Variants in PFKM observed in about 807,000 individuals in gnomAD.
PFKM encodes the protein phosphofructokinase, muscle, also known as ATP-dependent 6-phosphofructokinase, muscle type.
Under a neutral mutation model 95.5 loss-of-function variants are expected in PFKM, and 58 were observed. The ratio of observed to expected loss-of-function variants is 0.61; its 90% CI spans 0.49 to 0.76. PFKM has a LOEUF of 0.76. Ranked by LOEUF, PFKM falls within the 30% of genes least tolerant of loss-of-function variation. The pLI is 0.00. For synonymous variants in PFKM, 336 were observed against 357.2 expected (o/e 0.94, Z 0.67); for missense variants, 678 against 1,005.4 (o/e 0.67, Z 4.40).
chr12:48,145,812 CT>C lies in PFKM; in HGVS notation c.*108del. Reference sequence around the variant, plus strand: ...TTAGCTGTTTTTTTCATTAGGTTTCCTTTTATTCTGTACCTTGCAGCCATGA... The same window carrying C: ...TTAGCTGTTTTTTTCATTAGGTTTCCTTTATTCTGTACCTTGCAGCCATGA... On this transcript the variant is annotated 3_prime_UTR_variant, in exon 23 of 23. Coordinates refer to ENST00000359794, the MANE Select transcript of PFKM (RefSeq NM_000289.6). The surrounding 1 kb of genome is among the most constrained non-coding windows in gnomAD (Gnocchi z 4.3). The C allele has an allele frequency of 7.6e-7, 1 of 1,322,964 alleles. No individual in the cohort carries two copies. The highest frequency in any genetic ancestry group is 1.1e-6 in the Non-Finnish European group (1 of 923,654). The allele number at this position is 1,322,964 out of a possible 1,614,324, so 82.0% of individuals were successfully genotyped here. A position where few individuals can be genotyped will look rare whatever the true frequency, so the allele number is the denominator to read the frequency against.
chr12:48,105,819 ACGGCCACCGGCGGCCACAGCG>A, upstream of PFKM: 1 of 595,626 alleles, frequency 1.7e-6, no homozygotes, highest in East Asian at 2.8e-5. Context: ...AGGTAGCCTA[ACGGCCACCGGCGGCCACAGCG>A]CGGCCACCGG....
At chr12:48,129,736 C>T (rs544395624) in intron 2 of PFKM, among the ~76,000 whole-genome samples, 16 of 152,270 alleles carry the variant, frequency 1.1e-4, no homozygotes, top group Admixed American at 2.6e-4. Flanking sequence ...GTTACTGAAC[C>T]ATATAGAGTC....
chr12:48,107,249 A>T, intron 1 of PFKM: 1 of 684,622 alleles, frequency 1.5e-6, no homozygotes, highest in Non-Finnish European at 2.6e-6. Context: ...ATACTTTTAT[A>T]TTATATTGTC....
chr12:48,133,284 C>A, intron 5 of PFKM, 31 bp from the exon 6 acceptor site: 1 of 1,597,976 alleles, frequency 6.3e-7, no homozygotes, highest in Non-Finnish European at 8.6e-7. Context: ...GTGCCTCACC[C>A]AGTGGCTCCT....
upstream of PFKM, chr12:48,118,557 A>G (rs575482717): frequency 8.6e-6 from 13 of 1,514,198 alleles, no homozygotes; most frequent in East Asian, 2.9e-4. Flanking sequence ...CCGACTGTGG[A>G]GACAATGAAG....
chr12:48,126,896 C>G (rs1240223952), intron 2 of PFKM, among the ~76,000 whole-genome samples: 2 of 152,156 alleles, frequency 1.3e-5, no homozygotes, highest in Non-Finnish European at 2.9e-5. Flanking sequence ...GACTTTTGAC[C>G]TTGTTCCTTT....
chr12:48,128,107 A>G (rs570876401), intron 2 of PFKM, among the ~76,000 whole-genome samples: 1 of 152,334 alleles, frequency 6.6e-6, no homozygotes, highest in East Asian at 1.9e-4. Context: ...CTCTGCCAAG[A>G]ATACTCTCCC....
intron 13 of PFKM, 132 bp from the exon 14 acceptor site, chr12:48,140,590 T>G: frequency 3.3e-6 from 3 of 899,042 alleles, no homozygotes; most frequent in Non-Finnish European, 5.5e-6. Context: ...GGGGTGTGTG[T>G]TGTGTTGTCT....
upstream of PFKM, among the ~76,000 whole-genome samples, chr12:48,116,851 A>G (rs1354209426): frequency 1.3e-5 from 2 of 152,210 alleles, no homozygotes; most frequent in African/African-American, 4.8e-5. Context: ...ATATTTATAC[A>G]TTATTATTAG....
chr12:48,143,262 T>G (rs1240606930), intron 18 of PFKM, among the ~76,000 whole-genome samples: 1 of 152,142 alleles, frequency 6.6e-6, no homozygotes, highest in Non-Finnish European at 1.5e-5. Context: ...TTTAGAGAGG[T>G]TAAAAAACTT....
Position 48,145,354 on chromosome 12 carries a change from G to A in PFKM, c.2198+39G>A. On this transcript the variant is annotated intron_variant, in intron 22 of 22. Coordinates refer to ENST00000359794, the MANE Select transcript of PFKM (RefSeq NM_000289.6). The surrounding 1 kb of genome is among the most constrained non-coding windows in gnomAD (Gnocchi z 4.3). ...CTTCCTGGAGTGGTTCTTTTCCCTGGTAGTTTCAAGCTCTACTGTCCTCAA... is the reference window on the plus strand; with the variant it reads ...CTTCCTGGAGTGGTTCTTTTCCCTGATAGTTTCAAGCTCTACTGTCCTCAA... 3 of 1,530,246 alleles carry A rather than the reference G, an allele frequency of 2.0e-6. No homozygotes were observed. The South Asian group carries it at 3.4e-5, about 17-fold the overall frequency. The allele number at this position is 1,530,246 out of a possible 1,614,324, so 94.8% of individuals were successfully genotyped here.
chr12:48,113,580 T>C (rs1423796530), intron 3 of PFKM, among the ~76,000 whole-genome samples: 1 of 152,156 alleles, frequency 6.6e-6, no homozygotes, highest in East Asian at 1.9e-4. Flanking sequence ...AGTGGCCAGA[T>C]TTCCGACACT....
At chr12:48,128,789 G>C (rs1025643360) in intron 2 of PFKM, among the ~76,000 whole-genome samples, 1 of 152,020 alleles carries the variant, frequency 6.6e-6, no homozygotes, top group Non-Finnish European at 1.5e-5. Flanking sequence ...CTCCAGGCAG[G>C]GTTAAGGACA....
chr12:48,124,072 ACAT>A (rs1222855356), intron 2 of PFKM, among the ~76,000 whole-genome samples: 6 of 152,254 alleles, frequency 3.9e-5, no homozygotes, highest in Non-Finnish European at 7.3e-5. Flanking sequence ...CACCAGTGAT[ACAT>A]CAGTGAAAAA....
upstream of PFKM, chr12:48,119,238 G>C (rs78512814): frequency 3.3e-4 from 328 of 981,918 alleles, 3 homozygotes; most frequent in African/African-American, 5.3e-3. Context: ...GCAGGAGGAG[G>C]CGGAGCCTTC....
At chr12:48,134,016 GT>G (rs1949797573) in intron 6 of PFKM, among the ~76,000 whole-genome samples, 1 of 152,096 alleles carries the variant, frequency 6.6e-6, no homozygotes, top group Non-Finnish European at 1.5e-5. Flanking sequence ...CAGAGCCTCT[GT>G]TTAGACACTT....
intron 2 of PFKM, among the ~76,000 whole-genome samples, chr12:48,124,513 GAGAA>G (rs1168521997): frequency 2.6e-5 from 4 of 152,200 alleles, no homozygotes; most frequent in Non-Finnish European, 5.9e-5. Context: ...GAGGGAAAGA[GAGAA>G]AGAAAGGTCA....
chr12:48,133,246 C>T, intron 5 of PFKM, 69 bp from the exon 6 acceptor site: 1 of 1,413,624 alleles, frequency 7.1e-7, no homozygotes, highest in Non-Finnish European at 1.0e-6. Flanking sequence ...TTCTCTCTCT[C>T]TAGATATCTC....
intron 1 of PFKM, among the ~76,000 whole-genome samples, chr12:48,121,735 A>G (rs1948299118): frequency 6.6e-6 from 1 of 152,212 alleles, no homozygotes; most frequent in South Asian, 2.1e-4. Context: ...CAGCTATTGT[A>G]GTAAGCAGTT....
Sources: gnomAD v4.1 joint callset for allele counts (sites outside exome capture counted in the v4.1 genomes callset) on GRCh38, gnomAD v4.1.1 for gene constraint, Gnocchi (gnomAD v3.1) non-coding constraint, MANE v1.5 for transcripts, NCBI Gene and HGNC (gene_info 2026-07-23, HGNC 2026-07-21) for gene names.